The following NUDCD1 variants were observed in gnomAD, a reference collection of about 807,000 sequenced individuals.
The protein encoded by NUDCD1 is NudC domain containing 1.
NUDCD1 carries 60 observed loss-of-function variants against 67.8 expected under a neutral mutation model. The ratio of observed to expected loss-of-function variants is 0.88; its 90% CI spans 0.72 to 1.10. The LOEUF (loss-of-function observed/expected upper bound fraction) is 1.10, where lower values mean the gene tolerates loss of function less well. NUDCD1 is among the 50% of genes least tolerant of loss of function. The pLI, the probability that NUDCD1 is intolerant of heterozygous loss-of-function variation, is 0.00. For missense variants in NUDCD1, 643 were observed against 695.0 expected, an observed-to-expected ratio of 0.93 and a Z score of 0.84; for synonymous variants, 244 against 230.8, an observed-to-expected ratio of 1.06 and a Z score of -0.52.
At chr8:109,279,987 T>C (rs1586273655) in intron 6 of NUDCD1, among the ~76,000 whole-genome samples, 1 of 152,206 alleles carries the variant, frequency 6.6e-6, no homozygotes, top group African/African-American at 2.4e-5. Flanking sequence ...AAAAAACAAA[T>C]GTAAATGGAG....
At chr8:109,316,123 C>T (rs1004601775) in intron 2 of NUDCD1, 7 of 151,954 alleles carry the variant, frequency 4.6e-5, no homozygotes, top group Non-Finnish European at 5.9e-5. Context: ...TATTAAGAAA[C>T]GGAACACATT....
At chr8:109,254,001 C>T (rs1813675744) in intron 8 of NUDCD1, among the ~76,000 whole-genome samples, 1 of 151,976 alleles carries the variant, frequency 6.6e-6, no homozygotes, top group Non-Finnish European at 1.5e-5. Context: ...GAACAGGTGC[C>T]ACAAAACCCA....
intron 1 of NUDCD1, among the ~76,000 whole-genome samples, chr8:109,326,106 A>G (rs948776285): frequency 6.6e-6 from 1 of 152,384 alleles, no homozygotes; most frequent in South Asian, 2.1e-4. Flanking sequence ...AGACAACGAT[A>G]TAACAAATAC....
intron 6 of NUDCD1, among the ~76,000 whole-genome samples, chr8:109,277,593 G>A (rs942670348): frequency 2.0e-5 from 3 of 152,136 alleles, no homozygotes; most frequent in Non-Finnish European, 2.9e-5. Context: ...ACAGAAAATC[G>A]TGTTTTTAAA....
At chr8:109,275,245 T>C in intron 7 of NUDCD1, 107 bp downstream of exon 7, 1 of 969,720 alleles carries the variant, frequency 1.0e-6, no homozygotes, top group Non-Finnish European at 1.6e-6. Flanking sequence ...CTGATATGTA[T>C]CTTTTATATT....
intron 1 of NUDCD1, among the ~76,000 whole-genome samples, chr8:109,326,064 A>G (rs1315903126): frequency 1.3e-5 from 2 of 152,220 alleles, no homozygotes; most frequent in African/African-American, 4.8e-5. Context: ...GGAAAACTGC[A>G]TGGTAACATA....
At chr8:109,270,912 G>T in intron 8 of NUDCD1, 93 bp downstream of exon 8, 1 of 774,102 alleles carries the variant, frequency 1.3e-6, no homozygotes, top group South Asian at 2.1e-5. Flanking sequence ...GCCAGTAACT[G>T]CTAATCAAGT....
chr8:109,305,086 T>C (rs1815073180), intron 2 of NUDCD1, among the ~76,000 whole-genome samples: 1 of 152,186 alleles, frequency 6.6e-6, no homozygotes, highest in Non-Finnish European at 1.5e-5. Flanking sequence ...CCCTTCTCAG[T>C]GTTCCATCTG....
chr8:109,312,010 T>A (rs968928775), intron 2 of NUDCD1, among the ~76,000 whole-genome samples: 1 of 151,854 alleles, frequency 6.6e-6, no homozygotes, highest in African/African-American at 2.4e-5. Flanking sequence ...AACTATAGTT[T>A]AAAAAAAGTC....
intron 8 of NUDCD1, among the ~76,000 whole-genome samples, chr8:109,265,112 T>C (rs1024595825): frequency 6.6e-6 from 1 of 152,066 alleles, no homozygotes; most frequent in African/African-American, 2.4e-5. Context: ...GCAAGGATAA[T>C]GTTTAACCTA....
intron 9 of NUDCD1, 52 bp from the exon 10 acceptor site, chr8:109,243,353 G>A (rs555477794): frequency 4.2e-5 from 57 of 1,371,906 alleles, no homozygotes; most frequent in South Asian, 2.6e-4. Context: ...AAACAGAAGG[G>A]GAAAAATGAT....
chr8:109,263,152 TCA>T (rs530404029), intron 8 of NUDCD1, among the ~76,000 whole-genome samples: 2 of 146,446 alleles, frequency 1.4e-5, no homozygotes, highest in South Asian at 4.6e-4. Context: ...CTACATCTCC[TCA>T]GTCTGTAAAC....
At chr8:109,283,413 T>C (rs1231100715) in intron 5 of NUDCD1, among the ~76,000 whole-genome samples, 3 of 151,922 alleles carry the variant, frequency 2.0e-5, no homozygotes, top group Admixed American at 6.6e-5. Context: ...GCTAGAGAGG[T>C]AGACATTCAG....
At position 109,333,966 on chromosome 8, in the gene NUDCD1, C is replaced by G; in HGVS notation, c.45G>C (p.Leu15=). 1.2e-6 allele frequency: 2 copies of G among 1,614,172 alleles called. No individual in the cohort carries two copies. The highest frequency in any genetic ancestry group is 8.5e-7 in the Non-Finnish European group (1 of 1,179,986). ...TGTAACCCTCGAAGCGGGGATCCAA[C>G]AGAGGTCTCTTCACCCGTAGGGAGC... ...ANCSLRVKRP[L]LDPRFEGYKL... Residue 15 remains leucine, a synonymous_variant, in exon 1 of 10, where the codon CTG becomes CTC. Transcript: ENST00000239690.
At chr8:109,325,157 T>C (rs745369289) in intron 1 of NUDCD1, among the ~76,000 whole-genome samples, 15 of 151,582 alleles carry the variant, frequency 9.9e-5, no homozygotes, top group Non-Finnish European at 1.6e-4. Context: ...GTGGATTTCA[T>C]GGAGGGAGAG....
intron 1 of NUDCD1, among the ~76,000 whole-genome samples, chr8:109,328,663 C>T (rs1452742494): frequency 2.6e-5 from 4 of 152,060 alleles, no homozygotes; most frequent in Admixed American, 1.3e-4. Context: ...AGTCTTGCCT[C>T]GGTAGTGGGA....
At chr8:109,290,031 T>A in intron 4 of NUDCD1, 98 bp from the exon 5 acceptor site, 5 of 563,618 alleles carry the variant, frequency 8.9e-6, no homozygotes, top group Non-Finnish European at 1.5e-5. Flanking sequence ...ATTAAATAAT[T>A]TGAATGTATT....
At chr8:109,281,797 C>T (rs892550410) in intron 5 of NUDCD1, among the ~76,000 whole-genome samples, 3 of 152,172 alleles carry the variant, frequency 2.0e-5, no homozygotes, top group Non-Finnish European at 4.4e-5. Context: ...CTTTCCTATT[C>T]ATAGATCTGG....
Position 109,275,445 on chromosome 8 carries a change from T to C in NUDCD1, c.1080A>G (p.Leu360=). ...KKNEGLTWPE[L]VIGDKQGELI... ...GTTCCCCTTGTTTATCTCCAATTAC[T>C]AGCTCTGGCCAGGTCAGTCCTTCAT... The change falls in exon 7 of 10, where the codon CTA becomes CTG. Residue 360 remains leucine, a synonymous_variant. Coordinates refer to ENST00000239690, the MANE Select transcript of NUDCD1 (RefSeq NM_032869.4). The C allele has an allele frequency of 6.2e-7, 1 of 1,613,578 alleles. No individual in the cohort carries two copies. Among genetic ancestry groups the C allele is most frequent in the East Asian group, 2.2e-5 (1 of 44,850 alleles).
Sources: gnomAD v4.1 joint callset for allele counts (sites outside exome capture counted in the v4.1 genomes callset) on GRCh38, gnomAD v4.1.1 for gene constraint, MANE v1.5 for transcripts, NCBI Gene and HGNC (gene_info 2026-07-23, HGNC 2026-07-21) for gene names.